MTR: variants seen among roughly 807,000 people sequenced by gnomAD.
MTR encodes 5-methyltetrahydrofolate-homocysteine methyltransferase.
A neutral mutation model predicts 154.8 loss-of-function variants in MTR; 84 were observed. The ratio of observed to expected loss-of-function variants is 0.54; its 90% CI spans 0.45 to 0.65. MTR has a LOEUF of 0.65. Among genes scored for constraint, MTR ranks in the 30% least tolerant of loss-of-function variants. The pLI is 0.00. For synonymous variants in MTR, 554 were observed against 553.9 expected, an observed-to-expected ratio of 1.00 and a Z score of 0.00; for missense variants, 1,275 against 1,570.2, an observed-to-expected ratio of 0.81 and a Z score of 3.18.
intron 1 of MTR, among the ~76,000 whole-genome samples, 155 bp downstream of exon 1, chr1:236,795,892 G>C (rs1005570956): frequency 1.4e-4 from 22 of 152,242 alleles, no homozygotes; most frequent in African/African-American, 5.1e-4. Flanking sequence ...GCAGGAGCCC[G>C]GAGGGCTACG....
At chr1:236,859,625 A>G (rs1664403733) in intron 18 of MTR, among the ~76,000 whole-genome samples, 1 of 152,250 alleles carries the variant, frequency 6.6e-6, no homozygotes, top group Non-Finnish European at 1.5e-5. Context: ...CTACACTAAC[A>G]GTTCAAACCC....
At chr1:236,897,300 C>CCACACACACACACA (rs1553331006) in intron 32 of MTR, among the ~76,000 whole-genome samples, 182 bp downstream of exon 32, 3 of 30,712 alleles carry the variant, frequency 9.8e-5, no homozygotes, top group South Asian at 2.2e-3. Context: ...TACATGCAAG[C>CCACACACACACACA]CACACACACG....
intron 9 of MTR, among the ~76,000 whole-genome samples, chr1:236,824,430 C>T (rs1356440220): frequency 2.0e-5 from 3 of 152,128 alleles, no homozygotes; most frequent in Admixed American, 6.6e-5. Flanking sequence ...ACAGAACTTC[C>T]GGAAATGAGC....
chr1:236,873,879 C>T lies in MTR; in HGVS notation c.2473+39C>T, dbSNP rs749881634. The T allele has an allele frequency of 9.5e-6, 15 of 1,572,928 alleles. No homozygotes were observed. The South Asian group carries it at 1.4e-4, about 15-fold the overall frequency. ...ATACTTTGGGCATTTCTCTAAATGTCATATCCCCAGGTGTCTGTCATTTCC... is the reference window on the plus strand; with the variant it reads ...ATACTTTGGGCATTTCTCTAAATGTTATATCCCCAGGTGTCTGTCATTTCC... On this transcript the variant is annotated intron_variant, in intron 23 of 32. Coordinates refer to ENST00000366577, the MANE Select transcript of MTR (RefSeq NM_000254.3).
intron 10 of MTR, 21 bp from the exon 11 acceptor site, chr1:236,826,808 T>G: frequency 6.2e-7 from 1 of 1,612,602 alleles, no homozygotes; most frequent in Non-Finnish European, 8.5e-7. Context: ...TTGCTGAAAC[T>G]TTGTCTCTTC....
chr1:236,859,956 G>A, intron 19 of MTR, 34 bp downstream of exon 19: 1 of 1,563,858 alleles, frequency 6.4e-7, no homozygotes, highest in Non-Finnish European at 8.8e-7. Context: ...GAGGGCTGGA[G>A]GCTCATCATG....
intron 22 of MTR, 106 bp from the exon 23 acceptor site, chr1:236,873,667 C>A: frequency 1.1e-6 from 1 of 912,976 alleles, no homozygotes; most frequent in South Asian, 1.4e-5. Context: ...ACTTGATTCT[C>A]GTTTACATTA....
chr1:236,853,291 G>A (rs926051221), intron 18 of MTR, among the ~76,000 whole-genome samples: 13 of 152,256 alleles, frequency 8.5e-5, no homozygotes, highest in Admixed American at 2.0e-4. Flanking sequence ...GGGTGCTTCC[G>A]TATTCTGAAC....
At chr1:236,838,320 C>A in intron 14 of MTR, 94 bp from the exon 15 acceptor site, 2 of 1,298,866 alleles carry the variant, frequency 1.5e-6, no homozygotes, top group Non-Finnish European at 2.2e-6. Context: ...TATTGTTTTG[C>A]TAAAGAAGAA....
rs1169220676 is a variant in MTR, at chr1:236,885,154, G to A, written c.2710G>A (p.Glu904Lys). Residue 904 changes from glutamate to lysine, a missense_variant, in exon 26 of 33, where the codon GAA becomes AAA. Glu to Lys is a moderately conservative substitution (Grantham distance 56, BLOSUM62 1). Coordinates refer to ENST00000366577, the MANE Select transcript of MTR (RefSeq NM_000254.3). ...GCTGTTAGATGAAAATCTAAAGGAT[G>A]AATACTTTGAGGAAATCATGGAAGA... ...SQLLDENLKD[E>K]YFEEIMEEYE... 3 of 1,609,662 alleles carry A rather than the reference G, an allele frequency of 1.9e-6. No homozygotes were observed. Among genetic ancestry groups the A allele is most frequent in the South Asian group, 1.1e-5 (1 of 90,998 alleles).
At chr1:236,891,924 T>A (rs1666345214) in intron 29 of MTR, among the ~76,000 whole-genome samples, 1 of 152,170 alleles carries the variant, frequency 6.6e-6, no homozygotes, top group African/African-American at 2.4e-5. Flanking sequence ...GCCCAGCCTG[T>A]ACATATCCCC....
intron 2 of MTR, among the ~76,000 whole-genome samples, chr1:236,804,708 C>T (rs537778604): frequency 3.9e-5 from 6 of 152,076 alleles, no homozygotes; most frequent in Non-Finnish European, 8.8e-5. Context: ...AATACATTCC[C>T]ATTTGACCAT....
intron 8 of MTR, among the ~76,000 whole-genome samples, chr1:236,819,426 G>A (rs538435318): frequency 6.6e-6 from 1 of 152,092 alleles, no homozygotes; most frequent in East Asian, 1.9e-4. Flanking sequence ...TTGTAGGCTC[G>A]ATAGCTTATT....
chr1:236,803,333 T>G (rs550856161), intron 1 of MTR, 95 bp from the exon 2 acceptor site: 1 of 1,185,950 alleles, frequency 8.4e-7, no homozygotes, highest in African/African-American at 1.5e-5. Context: ...CATTTACTCC[T>G]TATTGGAGAT....
At chr1:236,856,891 A>G (rs190510270) in intron 18 of MTR, among the ~76,000 whole-genome samples, 4 of 152,218 alleles carry the variant, frequency 2.6e-5, no homozygotes, top group African/African-American at 7.2e-5. Flanking sequence ...ATAGTATTCC[A>G]TGGTGTATAT....
At chr1:236,813,031 G>A (rs1479309211) in intron 6 of MTR, among the ~76,000 whole-genome samples, 187 bp downstream of exon 6, 1 of 152,098 alleles carries the variant, frequency 6.6e-6, no homozygotes, top group Admixed American at 6.6e-5. Flanking sequence ...TGCTTTTGAA[G>A]CTTTTAAAAT....
intron 21 of MTR, 149 bp from the exon 22 acceptor site, chr1:236,863,305 C>T (rs1664652613): frequency 4.1e-6 from 3 of 727,642 alleles, no homozygotes; most frequent in East Asian, 5.4e-5. Flanking sequence ...CTCCTTTGAA[C>T]TGTTTGGGCT....
chr1:236,811,332 A>T (rs1026657998), intron 5 of MTR, among the ~76,000 whole-genome samples: 1 of 152,204 alleles, frequency 6.6e-6, no homozygotes, highest in Non-Finnish European at 1.5e-5. Flanking sequence ...GCCAAACCAT[A>T]TCAACATGTT....
chr1:236,849,350 C>A (rs1663766329), intron 15 of MTR, among the ~76,000 whole-genome samples: 1 of 151,968 alleles, frequency 6.6e-6, no homozygotes, highest in African/African-American at 2.4e-5. Flanking sequence ...ACGAAAAATA[C>A]TAAAGATGTT....
Sources: allele counts gnomAD v4.1 joint callset (sites outside exome capture counted in the v4.1 genomes callset), GRCh38; gene constraint gnomAD v4.1.1; transcripts MANE v1.5; gene names NCBI Gene and HGNC (gene_info 2026-07-23, HGNC 2026-07-21).